Variants in SOX6 observed in about 807,000 individuals in gnomAD.
The protein encoded by SOX6 is transcription factor SOX-6.
SOX6 carries 11 observed loss-of-function variants against 97.8 expected under a neutral mutation model. The ratio of observed to expected loss-of-function variants is 0.11; its 90% confidence interval spans 0.07 to 0.19. The LOEUF (loss-of-function observed/expected upper bound fraction) is 0.19. Among genes scored for constraint, SOX6 ranks in the 10% least tolerant of loss-of-function variants. The pLI, the probability that SOX6 is intolerant of heterozygous loss-of-function variation, is 1.00. For synonymous variants in SOX6, 360 were observed against 371.4 expected, an observed-to-expected ratio of 0.97 and a Z score of 0.35; for missense variants, 810 against 1,039.5, an observed-to-expected ratio of 0.78 and a Z score of 3.04.
At chr11:16,229,205 G>C (rs1852776074) in intron 4 of SOX6, among the ~76,000 whole-genome samples, 1 of 151,958 alleles carries the variant, frequency 6.6e-6, no homozygotes, top group Non-Finnish European at 1.5e-5. Flanking sequence ...ACACAGATCA[G>C]CTAGAAAATA....
intron 4 of SOX6, among the ~76,000 whole-genome samples, chr11:16,497,093 C>T (rs915609880): frequency 1.7e-4 from 26 of 152,272 alleles, no homozygotes; most frequent in African/African-American, 4.1e-4. Flanking sequence ...ACACCTCAAA[C>T]GGCTGGGTAC....
intron 7 of SOX6, among the ~76,000 whole-genome samples, chr11:16,103,844 A>G (rs1849009912): frequency 6.6e-6 from 1 of 151,418 alleles, no homozygotes; most frequent in Non-Finnish European, 1.5e-5. Context: ...AGGCATAAGA[A>G]TGACACATTG....
In SOX6 at chr11:16,569,762, G is replaced by A. The variant is rs922020636; in HGVS notation, n.609+42319C>T. Among the ~76,000 whole-genome samples, 8 of 151,182 alleles carry A rather than the reference G, an allele frequency of 5.3e-5. No homozygotes were observed. The East Asian group carries it at 9.8e-4, about 19-fold the overall frequency. On this transcript the variant is annotated intron_variant and non_coding_transcript_variant, in intron 4 of 5. Coordinates refer to the SOX6 transcript ENST00000524520. ...CGGGCACCTGTAGTCCCAGCTACTC[G>A]GGAGGCTGAGGCAAGAGAATGGTGT...
intron 3 of SOX6, among the ~76,000 whole-genome samples, chr11:16,248,444 T>C (rs1170055269): frequency 1.3e-5 from 2 of 152,220 alleles, no homozygotes; most frequent in Non-Finnish European, 2.9e-5. Context: ...AGCAAACTTC[T>C]ACCTGGACAT....
chr11:16,421,439 T>G (rs1859020059), intron 1 of SOX6, among the ~76,000 whole-genome samples: 1 of 152,158 alleles, frequency 6.6e-6, no homozygotes. Context: ...TAAGAAATAT[T>G]AATATTCTAG....
At chr11:16,125,780 A>T (rs1025791221) in intron 6 of SOX6, among the ~76,000 whole-genome samples, 6 of 150,012 alleles carry the variant, frequency 4.0e-5, no homozygotes, top group African/African-American at 1.5e-4. Context: ...TGGGAAATGT[A>T]TACATTGAAA....
At chr11:16,353,335 C>A (rs572334504) in intron 1 of SOX6, among the ~76,000 whole-genome samples, 16 of 152,092 alleles carry the variant, frequency 1.1e-4, no homozygotes, top group South Asian at 2.1e-4. Flanking sequence ...AATTTAGATA[C>A]CCTCTTAAAA....
At chr11:16,630,049 T>C (rs1848683322) in intron 3 of SOX6, among the ~76,000 whole-genome samples, 1 of 152,172 alleles carries the variant, frequency 6.6e-6, no homozygotes, top group South Asian at 2.1e-4. Flanking sequence ...GCTCTTAGTT[T>C]GTTGATTCTT....
At chr11:16,038,623 T>C (rs1327969272) in intron 12 of SOX6, among the ~76,000 whole-genome samples, 2 of 152,130 alleles carry the variant, frequency 1.3e-5, no homozygotes, top group African/African-American at 2.4e-5. Flanking sequence ...TCTGAGATAT[T>C]AGCATAACAG....
chr11:16,492,058 G>A (rs1477717719), intron 4 of SOX6, among the ~76,000 whole-genome samples: 2 of 152,060 alleles, frequency 1.3e-5, no homozygotes, highest in Admixed American at 6.6e-5. Context: ...GCTTAAGAAT[G>A]TCCTCATGAA....
chr11:16,378,191 T>G (rs1857694883), intron 1 of SOX6, among the ~76,000 whole-genome samples: 1 of 152,214 alleles, frequency 6.6e-6, no homozygotes, highest in Non-Finnish European at 1.5e-5. Context: ...GCCTACTATG[T>G]GCTAGGTATT....
chr11:16,371,074 C>A (rs999682581), intron 1 of SOX6, among the ~76,000 whole-genome samples: 36 of 152,194 alleles, frequency 2.4e-4, no homozygotes, highest in African/African-American at 8.7e-4. Flanking sequence ...AAAGCCAAAT[C>A]CTCACAATGA....
chr11:16,056,766 G>A (rs1847825085), intron 9 of SOX6, among the ~76,000 whole-genome samples: 1 of 152,092 alleles, frequency 6.6e-6, no homozygotes, highest in South Asian at 2.1e-4. Context: ...TCTTCTCTGA[G>A]ACATGATAAG....
chr11:16,223,038 C>G (rs1852588485), intron 4 of SOX6, among the ~76,000 whole-genome samples: 1 of 152,136 alleles, frequency 6.6e-6, no homozygotes, highest in Non-Finnish European at 1.5e-5. Flanking sequence ...ACTGCACAGT[C>G]AACGTCTGTT....
At chr11:16,593,268 C>T (rs1848174774) in intron 4 of SOX6, among the ~76,000 whole-genome samples, 1 of 151,954 alleles carries the variant, frequency 6.6e-6, no homozygotes, top group Admixed American at 6.5e-5. Context: ...AGGGGAGTGC[C>T]CACCATCTTC....
intron 3 of SOX6, among the ~76,000 whole-genome samples, chr11:16,687,900 A>G (rs1847981266): frequency 6.6e-6 from 1 of 152,122 alleles, no homozygotes; most frequent in Admixed American, 6.6e-5. Context: ...GAAGTCAATT[A>G]TTATTTTTAT....
chr11:16,639,800 A>G (rs1254327683), intron 3 of SOX6, among the ~76,000 whole-genome samples: 1 of 152,182 alleles, frequency 6.6e-6, no homozygotes, highest in Non-Finnish European at 1.5e-5. Context: ...CAGCTTAAGG[A>G]GATTTTGGGC....
chr11:16,509,156 T>C (rs1183398592), intron 4 of SOX6, among the ~76,000 whole-genome samples: 2 of 152,042 alleles, frequency 1.3e-5, no homozygotes, highest in Non-Finnish European at 1.5e-5. Flanking sequence ...TTACCATATA[T>C]GTGTATTTAT....
chr11:16,565,889 G>A (rs1847868323), intron 4 of SOX6, among the ~76,000 whole-genome samples: 1 of 152,070 alleles, frequency 6.6e-6, no homozygotes, highest in Admixed American at 6.6e-5. Context: ...GAGGTCAGGA[G>A]ATCGAGACCA....
Sources: allele counts gnomAD v4.1 joint callset (sites outside exome capture counted in the v4.1 genomes callset), GRCh38; gene constraint gnomAD v4.1.1; transcripts MANE v1.5; gene names NCBI Gene and HGNC (gene_info 2026-07-23, HGNC 2026-07-21).